The following SLIT3 variants were observed in gnomAD, a reference collection of about 807,000 sequenced individuals.
SLIT3 encodes the protein slit homolog 3 protein.
A neutral mutation model predicts 184.0 loss-of-function variants in SLIT3; 68 were observed. The ratio of observed to expected loss-of-function variants is 0.37; its 90% CI spans 0.30 to 0.45. The LOEUF (loss-of-function observed/expected upper bound fraction) is 0.45, where lower values mean the gene tolerates loss of function less well. Among genes scored for constraint, SLIT3 ranks in the 20% least tolerant of loss-of-function variants. The pLI is 1.00. For missense variants in SLIT3, 1,707 were observed against 2,026.0 expected (o/e 0.84, Z 3.02); for synonymous variants, 831 against 828.6 (o/e 1.00, Z -0.05).
At chr5:168,930,048 G>A (rs1412885531) in intron 4 of SLIT3, among the ~76,000 whole-genome samples, 2 of 152,214 alleles carry the variant, frequency 1.3e-5, no homozygotes, top group East Asian at 1.9e-4. Context: ...ACAGAGGTGA[G>A]GTCCTAGTCA....
chr5:169,104,276 A>C (rs1760121501), intron 4 of SLIT3, among the ~76,000 whole-genome samples: 1 of 152,178 alleles, frequency 6.6e-6, no homozygotes, highest in Non-Finnish European at 1.5e-5. Flanking sequence ...GCATGTTTAC[A>C]TCTAGGCCTC....
chr5:169,087,548 C>T lies in SLIT3; in HGVS notation c.413+105931G>A, dbSNP rs186915482. On this transcript the variant is annotated intron_variant, in intron 4 of 35. Transcript: ENST00000519560. The stretch of plus-strand genomic sequence containing the variant: ...GTACAATTAGGAACAACCTATGTGC[C>T]TAACATGAGGGGAATAGTTAGCTAA... Among the ~76,000 whole-genome samples the T allele has an allele frequency of 4.6e-5, 7 of 152,246 alleles. No homozygotes were observed. The East Asian group carries it at 1.4e-3, about 29-fold the overall frequency.
chr5:168,894,779 G>A (rs1760605132), intron 4 of SLIT3, among the ~76,000 whole-genome samples: 1 of 152,194 alleles, frequency 6.6e-6, no homozygotes, highest in Non-Finnish European at 1.5e-5. Flanking sequence ...GTGCCTGACA[G>A]CGTTTCATCT....
At chr5:168,713,610 T>C (rs1043345059) in intron 23 of SLIT3, among the ~76,000 whole-genome samples, 8 of 152,192 alleles carry the variant, frequency 5.3e-5, no homozygotes, top group African/African-American at 1.9e-4. Flanking sequence ...AAAGAGACGA[T>C]TAGTGTTGAC....
intron 1 of SLIT3, among the ~76,000 whole-genome samples, chr5:169,260,382 C>G (rs909366727): frequency 1.3e-5 from 2 of 152,162 alleles, no homozygotes; most frequent in African/African-American, 4.8e-5. Flanking sequence ...GGGCAAGGTT[C>G]TGTGCTTTTT....
intron 3 of SLIT3, among the ~76,000 whole-genome samples, chr5:169,211,634 T>C (rs1406208134): frequency 1.3e-5 from 2 of 151,764 alleles, no homozygotes; most frequent in African/African-American, 4.8e-5. Context: ...CATGTCTAAG[T>C]AGCTGGCATA....
At chr5:169,032,661 A>ATT (rs746847776) in intron 4 of SLIT3, among the ~76,000 whole-genome samples, 3 of 133,576 alleles carry the variant, frequency 2.2e-5, no homozygotes, top group Non-Finnish European at 4.8e-5. Flanking sequence ...TCTGCTAGTT[A>ATT]TTTTTTTTTT....
rs201195200 is a variant in SLIT3, at chr5:168,952,570, TTAA to T, written c.414-69237_414-69235del. On this transcript the variant is annotated intron_variant, in intron 4 of 35. Coordinates refer to ENST00000519560, the MANE Select transcript of SLIT3 (RefSeq NM_003062.4). ...AAAAGAGGGGAGAAGGCAAAGGGAT[TTAA>T]AAAAAAAAAAAAAAGACAGAGAGGG... 3.5e-3 allele frequency among the ~76,000 whole-genome samples: 419 copies of T among 120,206 alleles called. 4 individuals are homozygous for T. Among genetic ancestry groups the T allele is most frequent in the Middle Eastern group, 0.013 (3 of 240 alleles). The allele number at this position is 120,206 out of a possible 152,430, so 78.9% of individuals were successfully genotyped here. A position where few individuals can be genotyped will look rare whatever the true frequency, so the allele number is the denominator to read the frequency against.
intron 30 of SLIT3, among the ~76,000 whole-genome samples, chr5:168,686,557 T>C (rs994464079): frequency 6.6e-6 from 1 of 152,194 alleles, no homozygotes; most frequent in Non-Finnish European, 1.5e-5. Flanking sequence ...AGAAGTAGAA[T>C]AGAGGTTACC....
At chr5:169,003,523 C>T (rs1379457459) in intron 4 of SLIT3, among the ~76,000 whole-genome samples, 1 of 152,202 alleles carries the variant, frequency 6.6e-6, no homozygotes, top group Non-Finnish European at 1.5e-5. Flanking sequence ...TCTGCAGGGG[C>T]CAGAGTGGCC....
intron 4 of SLIT3, among the ~76,000 whole-genome samples, chr5:168,904,904 C>T (rs1056533816): frequency 5.9e-5 from 9 of 152,082 alleles, no homozygotes; most frequent in East Asian, 1.9e-4. Context: ...TGGTGGCTCA[C>T]GCCTGTAATC....
intron 3 of SLIT3, among the ~76,000 whole-genome samples, chr5:169,195,889 T>C (rs1199974034): frequency 1.3e-5 from 2 of 152,116 alleles, no homozygotes; most frequent in Non-Finnish European, 2.9e-5. Context: ...AAATCACATA[T>C]CATGAGATTT....
chr5:168,929,245 C>T (rs7710919), intron 4 of SLIT3, among the ~76,000 whole-genome samples: 71,092 of 152,056 alleles, frequency 0.47, 17,845 homozygotes, highest in African/African-American at 0.67. Flanking sequence ...TGTGGAAATG[C>T]TATTATTAAT....
At chr5:168,942,000 G>C (rs998318464) in intron 4 of SLIT3, among the ~76,000 whole-genome samples, 1 of 152,144 alleles carries the variant, frequency 6.6e-6, no homozygotes, top group African/African-American at 2.4e-5. Flanking sequence ...CACCACATCT[G>C]CATCTTTTTC....
chr5:168,944,137 A>G (rs1378352066), intron 4 of SLIT3, among the ~76,000 whole-genome samples: 1 of 152,198 alleles, frequency 6.6e-6, no homozygotes, highest in East Asian at 1.9e-4. Context: ...AAGTAATTGG[A>G]TAACGGCCCG....
chr5:168,841,491 C>G (rs1758247014), intron 6 of SLIT3, among the ~76,000 whole-genome samples: 1 of 152,144 alleles, frequency 6.6e-6, no homozygotes. Context: ...GCTCCTTTCC[C>G]TGTCCACCAT....
intron 4 of SLIT3, among the ~76,000 whole-genome samples, chr5:168,967,245 A>C (rs1021191941): frequency 1.3e-5 from 2 of 151,930 alleles, no homozygotes; most frequent in Non-Finnish European, 2.9e-5. Context: ...TGTATATAAG[A>C]GAGACACACA....
chr5:168,723,921 T>C (rs926440002), intron 21 of SLIT3, among the ~76,000 whole-genome samples: 4 of 152,184 alleles, frequency 2.6e-5, no homozygotes, highest in African/African-American at 9.7e-5. Flanking sequence ...TTTAGAGCAG[T>C]GATTCTTAAC....
intron 4 of SLIT3, among the ~76,000 whole-genome samples, chr5:168,986,510 A>C (rs1755136869): frequency 6.6e-6 from 1 of 152,186 alleles, no homozygotes; most frequent in Admixed American, 6.5e-5. Context: ...AAACATCAGC[A>C]TCCAGGCCCC....
Sources: allele counts gnomAD v4.1 joint callset (sites outside exome capture counted in the v4.1 genomes callset), GRCh38; gene constraint gnomAD v4.1.1; transcripts MANE v1.5; gene names NCBI Gene and HGNC (gene_info 2026-07-23, HGNC 2026-07-21).